RGS6: variants seen among roughly 807,000 people sequenced by gnomAD.
The protein encoded by RGS6 is regulator of G protein signaling 6, also known as regulator of G-protein signaling 6.
A neutral mutation model predicts 78.5 loss-of-function variants in RGS6; 30 were observed. That is an observed-to-expected ratio of 0.38 (90% CI 0.29 to 0.52). RGS6 has a LOEUF of 0.52. Ranked by LOEUF, RGS6 falls within the 20% of genes least tolerant of loss-of-function variation. RGS6 has a pLI of 0.85. For missense variants in RGS6, 495 were observed against 609.7 expected, an observed-to-expected ratio of 0.81 and a Z score of 1.98; for synonymous variants, 206 against 206.0, an observed-to-expected ratio of 1.00 and a Z score of 0.00.
At chr14:71,879,786 C>T in the RGS6 span, among the ~76,000 whole-genome samples, 1 of 152,160 alleles carries the variant, frequency 6.6e-6, no homozygotes, top group East Asian at 1.9e-4. Context: ...TCTTTATCAG[C>T]AGTGTGAGAA....
chr14:72,384,357 C>T (rs2087182877), intron 3 of RGS6, among the ~76,000 whole-genome samples: 2 of 152,072 alleles, frequency 1.3e-5, no homozygotes, highest in Admixed American at 1.3e-4. Context: ...CATTTCAGTC[C>T]ACACATGAGA....
At chr14:71,882,458 G>A in the RGS6 span, among the ~76,000 whole-genome samples, 3 of 152,154 alleles carry the variant, frequency 2.0e-5, no homozygotes, top group Non-Finnish European at 4.4e-5. Context: ...TTTCTGCAAA[G>A]CACTTTTAAA....
At chr14:72,309,722 C>G (rs916164530) in intron 2 of RGS6, among the ~76,000 whole-genome samples, 1 of 152,250 alleles carries the variant, frequency 6.6e-6, no homozygotes, top group Non-Finnish European at 1.5e-5. Flanking sequence ...GGTTCTTTCT[C>G]TCATGCTCAG....
intron 1 of RGS6, among the ~76,000 whole-genome samples, chr14:71,937,780 G>A (rs529447418): frequency 1.5e-4 from 23 of 152,160 alleles, no homozygotes; most frequent in South Asian, 6.2e-4. Context: ...ACCCATATCC[G>A]GAGTAAATGT....
chr14:72,230,925 A>G (rs1168482489), intron 2 of RGS6, among the ~76,000 whole-genome samples: 1 of 152,158 alleles, frequency 6.6e-6, no homozygotes, highest in African/African-American at 2.4e-5. Flanking sequence ...TAACACATAC[A>G]TTGGAGTGTC....
chr14:72,067,775 A>G (rs1161379155), intron 2 of RGS6, among the ~76,000 whole-genome samples: 2 of 152,330 alleles, frequency 1.3e-5, no homozygotes, highest in South Asian at 2.1e-4. Flanking sequence ...TCTTTAGATT[A>G]TATTTCCCTT....
chr14:72,093,269 T>G (rs143273745), intron 2 of RGS6, among the ~76,000 whole-genome samples: 1 of 152,292 alleles, frequency 6.6e-6, no homozygotes, highest in East Asian at 1.9e-4. Context: ...CGAGACAGGA[T>G]CTCACTCTGT....
chr14:72,510,063 C>T, intron 13 of RGS6, 91 bp from the exon 14 acceptor site: 1 of 1,426,404 alleles, frequency 7.0e-7, no homozygotes, highest in South Asian at 1.4e-5. Flanking sequence ...TGGTGAGTGA[C>T]TGCAAAACAG....
At chr14:72,373,554 A>G (rs957874268) in intron 3 of RGS6, among the ~76,000 whole-genome samples, 10 of 152,316 alleles carry the variant, frequency 6.6e-5, no homozygotes, top group African/African-American at 1.4e-4. Flanking sequence ...AAAAGCCTAT[A>G]TGAGTATCAA....
chr14:72,368,546 C>T (rs2082851628), intron 3 of RGS6, among the ~76,000 whole-genome samples: 1 of 152,180 alleles, frequency 6.6e-6, no homozygotes, highest in Admixed American at 6.5e-5. Flanking sequence ...GGCATCATCA[C>T]TCATTCCATC....
intron 2 of RGS6, among the ~76,000 whole-genome samples, chr14:72,059,840 C>A (rs1330406562): frequency 1.3e-5 from 2 of 152,104 alleles, no homozygotes; most frequent in African/African-American, 2.4e-5. Context: ...AGGGAGGCCT[C>A]CCTAGAAGCC....
chr14:71,899,334 A>G, the RGS6 span, among the ~76,000 whole-genome samples: 691 of 152,328 alleles, frequency 4.5e-3, 9 homozygotes, highest in African/African-American at 0.015. Flanking sequence ...TATTATTAGC[A>G]GGGTTCCACC....
the RGS6 span, among the ~76,000 whole-genome samples, chr14:71,909,627 AAGAG>A: frequency 6.7e-6 from 1 of 149,846 alleles, no homozygotes; most frequent in Non-Finnish European, 1.5e-5. Flanking sequence ...AGAGGGGGGA[AAGAG>A]AGAGAGAGAT....
intron 2 of RGS6, among the ~76,000 whole-genome samples, chr14:72,093,604 TC>T (rs1031550855): frequency 6.6e-6 from 1 of 152,122 alleles, no homozygotes; most frequent in African/African-American, 2.4e-5. Flanking sequence ...TTTGCTTTTT[TC>T]CCCCCACATA....
intron 2 of RGS6, among the ~76,000 whole-genome samples, chr14:72,064,120 G>A (rs2094022390): frequency 3.9e-5 from 6 of 152,078 alleles, no homozygotes; most frequent in Admixed American, 3.3e-4. Context: ...ATGGGCAGCC[G>A]TGCAGTAGGG....
intron 12 of RGS6, among the ~76,000 whole-genome samples, chr14:72,490,762 G>C (rs377345139): frequency 2.0e-5 from 3 of 152,184 alleles, no homozygotes; most frequent in African/African-American, 7.2e-5. Context: ...TGAGGTGTCC[G>C]AAAATTTACA....
the RGS6 span, among the ~76,000 whole-genome samples, chr14:72,624,339 T>TTTC: frequency 6.9e-6 from 1 of 144,508 alleles, no homozygotes. Flanking sequence ...GTCTCTTTTT[T>TTTC]TTTTTTTTTT....
intron 2 of RGS6, among the ~76,000 whole-genome samples, chr14:72,147,334 T>C (rs1296555803): frequency 6.6e-6 from 1 of 152,172 alleles, no homozygotes; most frequent in East Asian, 1.9e-4. Flanking sequence ...TTTTGTGCTG[T>C]TTATAACAGA....
intron 3 of RGS6, among the ~76,000 whole-genome samples, chr14:72,407,072 G>C (rs1407311413): frequency 1.3e-5 from 2 of 152,306 alleles, no homozygotes; most frequent in Non-Finnish European, 2.9e-5. Context: ...GTTACATACT[G>C]TTCATAATTA....
Sources: gnomAD v4.1 joint callset for allele counts (sites outside exome capture counted in the v4.1 genomes callset) on GRCh38, gnomAD v4.1.1 for gene constraint, MANE v1.5 for transcripts, NCBI Gene and HGNC (gene_info 2026-07-23, HGNC 2026-07-21) for gene names.